SART3: variants seen among roughly 807,000 people sequenced by gnomAD.
The protein encoded by SART3 is spliceosome associated factor 3, U4/U6 recycling protein.
Under a neutral mutation model 122.3 loss-of-function variants are expected in SART3, and 44 were observed. The ratio of observed to expected loss-of-function variants is 0.36; its 90% CI spans 0.28 to 0.46. The LOEUF is 0.46. Among genes scored for constraint, SART3 ranks in the 20% least tolerant of loss-of-function variants. The pLI is 1.00. For synonymous variants in SART3, 442 were observed against 454.0 expected (o/e 0.97, Z 0.34); for missense variants, 1,101 against 1,229.0 (o/e 0.90, Z 1.56).
rs114623060 is a variant in SART3 at position 108,524,331 on chromosome 12, G to A, written c.2699C>T (p.Pro900Leu). The A allele has an allele frequency of 2.6e-4, 417 of 1,613,970 alleles. 2 individuals are homozygous for A. The African/African-American group carries it at 5.0e-3, about 19-fold the overall frequency. ...AAGCACTTACGCTCCGTATGTCTGCGGCAAAAGCATGGGGCCACCTGGTGC... is the reference window on the plus strand; with the variant it reads ...AAGCACTTACGCTCCGTATGTCTGCAGCAAAAGCATGGGGCCACCTGGTGC... ...RKAPGGPMLL[P>L]QTYGARGKGR... The change falls in exon 18 of 19, where the codon CCG becomes CTG. Residue 900 changes from proline (P) to leucine (L), a missense_variant. Coordinates refer to ENST00000546815, the MANE Select transcript of SART3 (RefSeq NM_014706.4).
At chr12:108,542,712 G>A (rs1245331687) in intron 6 of SART3, 2 of 412,866 alleles carry the variant, frequency 4.8e-6, no homozygotes, top group African/African-American at 4.1e-5. Flanking sequence ...TTCATAGCTT[G>A]TAAAACTATA....
intron 1 of SART3, among the ~76,000 whole-genome samples, chr12:108,551,008 C>T (rs1008950250): frequency 5.9e-5 from 9 of 151,962 alleles, no homozygotes; most frequent in Non-Finnish European, 4.4e-5. Flanking sequence ...GCCTTAAATG[C>T]GAATGGTGCA....
intron 7 of SART3, among the ~76,000 whole-genome samples, chr12:108,538,609 T>G (rs1291457374): frequency 6.6e-6 from 1 of 152,214 alleles, no homozygotes; most frequent in African/African-American, 2.4e-5. Flanking sequence ...TTGTTGAAGC[T>G]GGGTGAGGGG....
chr12:108,532,175 C>T, intron 13 of SART3, 47 bp downstream of exon 13: 1 of 1,543,422 alleles, frequency 6.5e-7, no homozygotes, highest in Non-Finnish European at 8.9e-7. Flanking sequence ...TGAGACCAAA[C>T]AGCAAATGGG....
chr12:108,545,983 A>AC (rs1003402086), intron 3 of SART3, among the ~76,000 whole-genome samples: 2 of 151,470 alleles, frequency 1.3e-5, no homozygotes, highest in African/African-American at 2.4e-5. Context: ...AAAAAAAAAA[A>AC]ACACACATAT....
intron 1 of SART3, among the ~76,000 whole-genome samples, chr12:108,551,772 G>A (rs913566588): frequency 1.3e-5 from 2 of 151,968 alleles, no homozygotes; most frequent in African/African-American, 4.8e-5. Flanking sequence ...GACCACAATG[G>A]AATCAAATTA....
At chr12:108,536,879 A>G (rs1723470708) in intron 9 of SART3, 94 bp from the exon 10 acceptor site, 5 of 1,094,232 alleles carry the variant, frequency 4.6e-6, no homozygotes, top group Non-Finnish European at 6.8e-6. Flanking sequence ...GAGACCCACT[A>G]TGTACCTGGC....
At chr12:108,525,329 A>C (rs894244000) in intron 17 of SART3, 128 bp downstream of exon 17, 2 of 947,610 alleles carry the variant, frequency 2.1e-6, no homozygotes, top group Admixed American at 4.0e-5. Context: ...TCTTTCTGTG[A>C]AATTAACTTT....
chr12:108,560,888 T>C lies in SART3; in HGVS notation c.267A>G (p.Glu89=). The change falls in exon 1 of 19, where the codon GAA becomes GAG. Residue 89 remains glutamate (E), a synonymous_variant. Coordinates refer to ENST00000546815, the MANE Select transcript of SART3 (RefSeq NM_014706.4). ...SPGEYEWEYD[E]EEEKNQLEIE... ...TCTCCAGCTGGTTTTTCTCCTCCTC[T>C]TCGTCATATTCCCACTCGTACTCCC... The C allele has an allele frequency of 6.2e-7, 1 of 1,608,610 alleles. No individual in the cohort carries two copies. Among genetic ancestry groups the C allele is most frequent in the Non-Finnish European group, 8.5e-7 (1 of 1,175,596 alleles).
chr12:108,548,003 A>G lies in SART3; in HGVS notation c.440-12T>C, dbSNP rs898623834. ...CTCCAGCCAGAGCTCTACGAGACAA[A>G]AATACTTCCCGCATTAATACCAAAG... On this transcript the variant is annotated splice_polypyrimidine_tract_variant and intron_variant, in intron 2 of 18. Transcript: ENST00000546815. 1 of 1,609,006 alleles carries G rather than the reference A, an allele frequency of 6.2e-7. No individual in the cohort carries two copies. Among genetic ancestry groups the G allele is most frequent in the Admixed American group, 1.7e-5 (1 of 60,014 alleles).
In SART3 at chr12:108,540,212, G is replaced by A. The variant is rs76707648; in HGVS notation, c.907-1123C>T. ...TGAAGAAGCAAGATTTATACAAACC[G>A]CTGACTTCTCAACAGCAACAACAGA... On this transcript the variant is annotated intron_variant, in intron 6 of 18. Coordinates refer to ENST00000546815, the MANE Select transcript of SART3 (RefSeq NM_014706.4). 3.3e-5 allele frequency among the ~76,000 whole-genome samples: 5 copies of A among 152,262 alleles called. No homozygotes were observed. The East Asian group carries it at 9.6e-4, about 29-fold the overall frequency.
chr12:108,559,849 G>A (rs1447695250), intron 1 of SART3, among the ~76,000 whole-genome samples: 1 of 152,062 alleles, frequency 6.6e-6, no homozygotes, highest in Non-Finnish European at 1.5e-5. Context: ...AAGTTTGGTG[G>A]GAGGAAGAAA....
intron 7 of SART3, 123 bp from the exon 8 acceptor site, chr12:108,538,326 T>C: frequency 1.8e-6 from 2 of 1,104,034 alleles, no homozygotes; most frequent in Admixed American, 1.9e-5. Flanking sequence ...TGTGACCTGG[T>C]TTCCTCAACA....
intron 6 of SART3, among the ~76,000 whole-genome samples, chr12:108,540,310 C>T (rs113944075): frequency 7.9e-4 from 121 of 152,284 alleles, no homozygotes; most frequent in African/African-American, 2.8e-3. Context: ...TTGCTGTTGT[C>T]GGTCTAGAAT....
At chr12:108,538,344 A>C in intron 7 of SART3, 141 bp from the exon 8 acceptor site, 2 of 972,866 alleles carry the variant, frequency 2.1e-6, no homozygotes, top group Admixed American at 2.1e-5. Context: ...ACAACAACAA[A>C]AAAATCACTA....
intron 1 of SART3, among the ~76,000 whole-genome samples, chr12:108,555,963 T>C (rs1016880): frequency 0.74 from 112,748 of 152,134 alleles, 43,683 homozygotes; most frequent in East Asian, 0.92. Context: ...ATAGACAAAC[T>C]GAAGAGAGAG....
At chr12:108,554,846 G>A (rs2030150742) in intron 1 of SART3, among the ~76,000 whole-genome samples, 1 of 151,938 alleles carries the variant, frequency 6.6e-6, no homozygotes, top group African/African-American at 2.4e-5. Context: ...GTTAATTATG[G>A]TCAGATGATA....
At chr12:108,535,069 C>T (rs1464943706) in intron 12 of SART3, among the ~76,000 whole-genome samples, 2 of 151,874 alleles carry the variant, frequency 1.3e-5, no homozygotes, top group African/African-American at 4.8e-5. Flanking sequence ...TCTATAAAAG[C>T]AAATATAAAA....
At chr12:108,560,459 T>C in intron 1 of SART3, 1 of 358,546 alleles carries the variant, frequency 2.8e-6, no homozygotes. Context: ...AATAACACTC[T>C]CTTGCGAATG....
Sources: allele counts gnomAD v4.1 joint callset (sites outside exome capture counted in the v4.1 genomes callset), GRCh38; gene constraint gnomAD v4.1.1; transcripts MANE v1.5; gene names NCBI Gene and HGNC (gene_info 2026-07-23, HGNC 2026-07-21).